MSI2: variants seen among roughly 807,000 people sequenced by gnomAD.
MSI2 encodes RNA-binding protein Musashi homolog 2.
In MSI2, 17 loss-of-function variants were observed where a neutral mutation model predicts 45.6. That is an observed-to-expected ratio of 0.37 (90% CI 0.26 to 0.56). The LOEUF (loss-of-function observed/expected upper bound fraction) is 0.56, where lower values mean the gene tolerates loss of function less well. Among genes scored for constraint, MSI2 ranks in the 20% least tolerant of loss-of-function variants. The pLI is 0.77. For missense variants in MSI2, 293 were observed against 444.2 expected (o/e 0.66, Z 3.06); for synonymous variants, 156 against 158.2 (o/e 0.99, Z 0.11).
chr17:57,533,662 A>C (rs896110828), intron 7 of MSI2, among the ~76,000 whole-genome samples: 3 of 152,260 alleles, frequency 2.0e-5, no homozygotes, highest in African/African-American at 7.2e-5. Context: ...AGCAAGTGGG[A>C]GGTTTATCCA....
intron 6 of MSI2, among the ~76,000 whole-genome samples, chr17:57,429,912 C>A (rs900098651): frequency 1.3e-5 from 2 of 152,154 alleles, no homozygotes; most frequent in African/African-American, 4.8e-5. Flanking sequence ...GCCATTCTTG[C>A]CCCCATCACT....
At chr17:57,341,311 G>A (rs1915132182) in intron 5 of MSI2, among the ~76,000 whole-genome samples, 1 of 152,204 alleles carries the variant, frequency 6.6e-6, no homozygotes, top group Admixed American at 6.5e-5. Flanking sequence ...GAAGAACTGG[G>A]ATGTGCCCTT....
chr17:57,365,171 C>G (rs1305214199), intron 5 of MSI2: 1 of 152,112 alleles, frequency 6.6e-6, no homozygotes, highest in South Asian at 2.1e-4. Flanking sequence ...TGAAAGGAAA[C>G]CTGAAGATCT....
chr17:57,660,694 C>T (rs558483590), intron 11 of MSI2, among the ~76,000 whole-genome samples: 1 of 152,268 alleles, frequency 6.6e-6, no homozygotes, highest in South Asian at 2.1e-4. Flanking sequence ...TGAATATTTC[C>T]ACTTTTAAAG....
At chr17:57,310,682 G>C (rs1376465490) in intron 5 of MSI2, among the ~76,000 whole-genome samples, 1 of 152,134 alleles carries the variant, frequency 6.6e-6, no homozygotes, top group African/African-American at 2.4e-5. Context: ...CCTCGTGAAG[G>C]GTTAGAGGCA....
Position 57,680,985 on chromosome 17 carries a change from A to G in MSI2, c.*1468A>G, listed in dbSNP as rs1913562537. 1 of 190,464 alleles carries G rather than the reference A, an allele frequency of 5.3e-6. No individual in the cohort carries two copies. Among genetic ancestry groups the G allele is most frequent in the South Asian group, 1.9e-4 (1 of 5,176 alleles). 11.8% of individuals were successfully genotyped at this position (190,464 alleles called of 1,614,324 possible). ...TCACTTTCTATTTACAAATTAGGAA[A>G]GCAACCTTTTGGTTTATATATATTT... On this transcript the variant is annotated 3_prime_UTR_variant, in exon 14 of 14. Coordinates refer to ENST00000284073, the MANE Select transcript of MSI2 (RefSeq NM_138962.4).
intron 6 of MSI2, among the ~76,000 whole-genome samples, chr17:57,468,789 G>A (rs1056076819): frequency 1.3e-5 from 2 of 152,132 alleles, no homozygotes; most frequent in Non-Finnish European, 2.9e-5. Flanking sequence ...GGCATCCTGT[G>A]AGCTCTGTTG....
At chr17:57,525,316 G>A (rs766494209) in intron 6 of MSI2, among the ~76,000 whole-genome samples, 3 of 152,224 alleles carry the variant, frequency 2.0e-5, no homozygotes, top group Non-Finnish European at 2.9e-5. Flanking sequence ...ACAGGGTCTC[G>A]CTCTGTAGCT....
At chr17:57,546,681 A>T (rs1448421503) in intron 7 of MSI2, among the ~76,000 whole-genome samples, 1 of 152,198 alleles carries the variant, frequency 6.6e-6, no homozygotes, top group East Asian at 1.9e-4. Context: ...CTGAGAGTGG[A>T]TGCTGATCTG....
At chr17:57,346,862 C>T (rs984142666) in intron 5 of MSI2, among the ~76,000 whole-genome samples, 2 of 152,190 alleles carry the variant, frequency 1.3e-5, no homozygotes, top group Non-Finnish European at 2.9e-5. Context: ...CTGTCCCGGC[C>T]TCCCAAAGTG....
intron 6 of MSI2, among the ~76,000 whole-genome samples, chr17:57,409,794 G>A (rs1008792606): frequency 6.6e-6 from 1 of 152,046 alleles, no homozygotes; most frequent in Non-Finnish European, 1.5e-5. Context: ...GAATCATGAG[G>A]TCAGGAGTTC....
intron 5 of MSI2, among the ~76,000 whole-genome samples, chr17:57,298,313 A>G (rs1911158003): frequency 6.6e-6 from 1 of 152,192 alleles, no homozygotes; most frequent in Non-Finnish European, 1.5e-5. Context: ...GTGACCAGGT[A>G]TGTTGTCAGT....
chr17:57,566,494 G>A (rs186243118), intron 7 of MSI2, among the ~76,000 whole-genome samples: 11 of 152,218 alleles, frequency 7.2e-5, no homozygotes, highest in Non-Finnish European at 1.5e-4. Context: ...GTCACATGTT[G>A]GTGTTCTCAG....
At chr17:57,650,661 T>C (rs1191897066) in intron 10 of MSI2, among the ~76,000 whole-genome samples, 3 of 152,214 alleles carry the variant, frequency 2.0e-5, no homozygotes, top group Non-Finnish European at 4.4e-5. Flanking sequence ...CCTATTACCA[T>C]ATTTAAATGC....
intron 10 of MSI2, among the ~76,000 whole-genome samples, chr17:57,638,130 G>A (rs1234757116): frequency 6.6e-6 from 1 of 152,234 alleles, no homozygotes; most frequent in East Asian, 1.9e-4. Context: ...TGAGGTTCGG[G>A]TAGCTGGTGC....
At chr17:57,492,356 C>T (rs1467766770) in intron 6 of MSI2, among the ~76,000 whole-genome samples, 4 of 152,268 alleles carry the variant, frequency 2.6e-5, no homozygotes, top group South Asian at 4.1e-4. Flanking sequence ...GTATGTCCTC[C>T]GGGTCCCTTT....
At chr17:57,319,697 C>T (rs967906470) in intron 5 of MSI2, among the ~76,000 whole-genome samples, 8 of 152,148 alleles carry the variant, frequency 5.3e-5, no homozygotes, top group East Asian at 1.9e-4. Flanking sequence ...ACTGTAGCCT[C>T]GACTTCTGGG....
intron 11 of MSI2, among the ~76,000 whole-genome samples, chr17:57,657,629 G>A (rs1380154410): frequency 3.3e-5 from 5 of 152,194 alleles, no homozygotes; most frequent in African/African-American, 4.8e-5. Flanking sequence ...ATGCTTTAGG[G>A]AGGAGAATAG....
rs914109593 is a variant in MSI2, at chr17:57,679,677, C to G, written c.*160C>G. On this transcript the variant is annotated 3_prime_UTR_variant, in exon 14 of 14. Coordinates refer to ENST00000284073, the MANE Select transcript of MSI2 (RefSeq NM_138962.4). ...CAACCAGAGATGGCTCACTTCGGAT[C>G]GAGGGTTGACTACATCTCATCATCT... The G allele has an allele frequency of 2.2e-6, 2 of 908,906 alleles. No homozygotes were observed. Among genetic ancestry groups the G allele is most frequent in the Non-Finnish European group, 2.7e-6 (2 of 736,290 alleles). 56.3% of individuals were successfully genotyped at this position (908,906 alleles called of 1,614,324 possible).
Sources: gnomAD v4.1 joint callset for allele counts (sites outside exome capture counted in the v4.1 genomes callset) on GRCh38, gnomAD v4.1.1 for gene constraint, MANE v1.5 for transcripts, NCBI Gene and HGNC (gene_info 2026-07-23, HGNC 2026-07-21) for gene names.